ARAP2: variants seen among roughly 807,000 people sequenced by gnomAD.
ARAP2 encodes ArfGAP with RhoGAP domain, ankyrin repeat and PH domain 2.
Under a neutral mutation model 194.5 loss-of-function variants are expected in ARAP2, and 148 were observed. The ratio of observed to expected loss-of-function variants is 0.76; its 90% CI spans 0.67 to 0.87. The LOEUF (loss-of-function observed/expected upper bound fraction) is 0.87, where lower values mean the gene tolerates loss of function less well. Among genes scored for constraint, ARAP2 ranks in the 40% least tolerant of loss-of-function variants. The pLI is 0.00. For synonymous variants in ARAP2, 695 were observed against 683.5 expected, an observed-to-expected ratio of 1.02 and a Z score of -0.26; for missense variants, 2,128 against 1,989.7, an observed-to-expected ratio of 1.07 and a Z score of -1.32.
intron 5 of ARAP2, among the ~76,000 whole-genome samples, chr4:36,022,128 T>A (rs1013276806): frequency 3.9e-5 from 6 of 152,212 alleles, no homozygotes. Flanking sequence ...GGGACCATCG[T>A]AGTATATGCA....
chr4:36,101,413 A>C (rs1483674029), intron 27 of ARAP2, among the ~76,000 whole-genome samples: 1 of 148,170 alleles, frequency 6.7e-6, no homozygotes, highest in African/African-American at 2.5e-5. Flanking sequence ...TTTTTTTGCT[A>C]TTTTACTACT....
chr4:36,019,699 T>G (rs887642795), intron 5 of ARAP2, among the ~76,000 whole-genome samples: 10 of 151,806 alleles, frequency 6.6e-5, no homozygotes, highest in Admixed American at 5.9e-4. Context: ...ACAAAAGGTA[T>G]GAGATGAGAT....
intron 5 of ARAP2, among the ~76,000 whole-genome samples, chr4:36,038,500 G>T (rs539200924): frequency 3.9e-5 from 6 of 152,198 alleles, no homozygotes; most frequent in Non-Finnish European, 8.8e-5. Flanking sequence ...TTATATATTG[G>T]CTAAAATGTA....
chr4:36,027,474 A>G (rs774815744), intron 5 of ARAP2, among the ~76,000 whole-genome samples: 4 of 151,476 alleles, frequency 2.6e-5, no homozygotes, highest in Non-Finnish European at 2.9e-5. Context: ...GTCAAGACTC[A>G]GCTACAGGAT....
rs142722623 is a variant in ARAP2 at position 36,186,353 on chromosome 4, T to C, written c.1678+1098A>G. The stretch of plus-strand genomic sequence containing the variant: ...AAACAAAATTCAGAAAATATTTCTC[T>C]GTACACATTTAAACTCAATCCAGAA... On this transcript the variant is annotated intron_variant, in intron 8 of 32. Coordinates refer to ENST00000303965, the MANE Select transcript of ARAP2 (RefSeq NM_015230.4). Among the ~76,000 whole-genome samples the C allele has an allele frequency of 2.6e-5, 4 of 152,344 alleles. No individual in the cohort carries two copies. In the South Asian group the frequency reaches 6.2e-4, roughly 24 times the overall value.
At chr4:36,030,899 A>G (rs1938600167) in intron 5 of ARAP2, among the ~76,000 whole-genome samples, 2 of 148,592 alleles carry the variant, frequency 1.3e-5, no homozygotes, top group Non-Finnish European at 3.0e-5. Context: ...TGGGAGGCCT[A>G]GTCGGGTGGA....
intron 2 of ARAP2, chr4:36,057,879 T>C (rs981209108): frequency 1.3e-5 from 2 of 151,714 alleles, no homozygotes; most frequent in Non-Finnish European, 2.9e-5. Context: ...GGTCAAAGGG[T>C]CAATTGTCTT....
exon 6 of ARAP2, chr4:36,019,285 T>C (rs973039010): frequency 6.7e-6 from 1 of 149,330 alleles, no homozygotes; most frequent in Admixed American, 6.6e-5. Context: ...ATGTATCATA[T>C]ACTGTTAATG....
Position 36,210,605 on chromosome 4 carries a change from A to G in ARAP2, c.1272T>C (p.Ser424=). The change falls in exon 6 of 33, where the codon AGT becomes AGC. Residue 424 remains serine (S), a synonymous_variant. Coordinates refer to ENST00000303965, the MANE Select transcript of ARAP2 (RefSeq NM_015230.4). The part of the protein sequence containing the change: ...EYSTVEECFQ[S]LRRKNSKASK... ...ATGCCTTTGAATTTTTTCTTCTTAAACTCTGAAAGCATTCTTCTACTGTTG... is the reference window on the plus strand; with the variant it reads ...ATGCCTTTGAATTTTTTCTTCTTAAGCTCTGAAAGCATTCTTCTACTGTTG... The G allele has an allele frequency of 6.2e-7, 1 of 1,613,798 alleles. No individual in the cohort carries two copies. Among genetic ancestry groups the G allele is most frequent in the African/African-American group, 1.3e-5 (1 of 74,988 alleles).
Position 36,025,126 on chromosome 4 carries a change from G to A in ARAP2, n.608-5840C>T, listed in dbSNP as rs193202239. The stretch of plus-strand genomic sequence containing the variant: ...TAGTCAAAAAGAATTATTAAATGAT[G>A]AGCAGCTATTATTTTGCAATGCCAT... On this transcript the variant is annotated intron_variant and non_coding_transcript_variant, in intron 5 of 12. Transcript: ENST00000503225. 4.3e-3 allele frequency among the ~76,000 whole-genome samples: 651 copies of A among 152,186 alleles called. 3 individuals are homozygous for A. The highest frequency in any genetic ancestry group is 0.014 in the Middle Eastern group (4 of 294).
intron 27 of ARAP2, among the ~76,000 whole-genome samples, chr4:36,093,130 C>T (rs1427409854): frequency 1.3e-5 from 2 of 152,108 alleles, no homozygotes; most frequent in East Asian, 1.9e-4. Flanking sequence ...CACCTGTGCT[C>T]ACTTATAAGT....
chr4:36,212,436 C>A lies in ARAP2; in HGVS notation c.1093G>T (p.Glu365Ter), dbSNP rs755805267. 6.2e-7 allele frequency: 1 copy of A among 1,612,324 alleles called. No individual in the cohort carries two copies. Among genetic ancestry groups the A allele is most frequent in the Non-Finnish European group, 8.5e-7 (1 of 1,178,808 alleles). The change falls in exon 5 of 33, where the codon GAA becomes TAA. Residue 365 changes from glutamate to a stop codon, truncating the protein, a stop_gained. Transcript: ENST00000303965. LOFTEE classifies it high-confidence loss of function. ...FLTQGEALKG[E>*]AATATNSFII... Reference sequence around the variant, plus strand: ...AAAGAGTTTGTTGCAGTAGCTGCTTCCCCTTTGAGTGCTTCTCCCTGGGTC... The same window carrying A: ...AAAGAGTTTGTTGCAGTAGCTGCTTACCCTTTGAGTGCTTCTCCCTGGGTC...
chr4:36,014,224 C>CGGAAGAAA (rs1392259044), intron 8 of ARAP2, among the ~76,000 whole-genome samples: 988 of 61,688 alleles, frequency 0.016, 98 homozygotes, highest in African/African-American at 0.028. Context: ...GAGACCCTAT[C>CGGAAGAAA]GAAAGAAAGA....
chr4:36,238,091 C>T (rs1172394957), intron 1 of ARAP2, among the ~76,000 whole-genome samples: 1 of 152,196 alleles, frequency 6.6e-6, no homozygotes, highest in Non-Finnish European at 1.5e-5. Flanking sequence ...CATCCATTCA[C>T]TTACCTTAGT....
At chr4:36,114,725 C>A (rs1720916206) in intron 25 of ARAP2, among the ~76,000 whole-genome samples, 1 of 151,974 alleles carries the variant, frequency 6.6e-6, no homozygotes, top group Non-Finnish European at 1.5e-5. Context: ...TGCCAAAAAG[C>A]TCCAGGGTCT....
At chr4:36,056,944 C>T (rs1268073323) in intron 2 of ARAP2, among the ~76,000 whole-genome samples, 3 of 151,854 alleles carry the variant, frequency 2.0e-5, no homozygotes, top group Non-Finnish European at 4.4e-5. Flanking sequence ...ATTATGTTTA[C>T]CTGATTTTTT....
chr4:36,201,892 G>A (rs760521800), intron 6 of ARAP2, among the ~76,000 whole-genome samples: 27 of 151,908 alleles, frequency 1.8e-4, no homozygotes, highest in Non-Finnish European at 3.7e-4. Context: ...GGTGTGAGAA[G>A]CTACCAAATT....
At chr4:36,117,981 C>T (rs903634697) in intron 24 of ARAP2, among the ~76,000 whole-genome samples, 3 of 151,228 alleles carry the variant, frequency 2.0e-5, no homozygotes, top group African/African-American at 7.3e-5. Flanking sequence ...AACAGTATCA[C>T]CTGATTTAAA....
At chr4:36,116,693 C>G (rs1014821201) in intron 25 of ARAP2, among the ~76,000 whole-genome samples, 1 of 151,790 alleles carries the variant, frequency 6.6e-6, no homozygotes, top group Non-Finnish European at 1.5e-5. Flanking sequence ...ATTGAATCCT[C>G]ACATCAATGC....
Sources: allele counts gnomAD v4.1 joint callset (sites outside exome capture counted in the v4.1 genomes callset), GRCh38; gene constraint gnomAD v4.1.1; transcripts MANE v1.5; gene names NCBI Gene and HGNC (gene_info 2026-07-23, HGNC 2026-07-21).